Variants in MAP4K3 observed in about 807,000 individuals in gnomAD.
The protein encoded by MAP4K3 is MAPK/ERK kinase kinase kinase 3.
A neutral mutation model predicts 143.5 loss-of-function variants in MAP4K3; 94 were observed. The ratio of observed to expected loss-of-function variants is 0.65; its 90% CI spans 0.55 to 0.78. The LOEUF (loss-of-function observed/expected upper bound fraction) is 0.78, where lower values mean the gene tolerates loss of function less well. Among genes scored for constraint, MAP4K3 ranks in the 30% least tolerant of loss-of-function variants. MAP4K3 has a pLI of 0.00. For missense variants in MAP4K3, 1,077 were observed against 1,068.1 expected (o/e 1.01, Z -0.12); for synonymous variants, 416 against 347.2 (o/e 1.20, Z -2.20).
At chr2:39,396,806 A>T (rs1447424607) in intron 1 of MAP4K3, among the ~76,000 whole-genome samples, 1 of 152,206 alleles carries the variant, frequency 6.6e-6, no homozygotes, top group East Asian at 1.9e-4. Flanking sequence ...TTTTCATAAA[A>T]CCATTTTAGC....
chr2:39,365,430 ATTTTTTTTTTT>A (rs151026787), intron 2 of MAP4K3, among the ~76,000 whole-genome samples: 2 of 87,912 alleles, frequency 2.3e-5, no homozygotes, highest in East Asian at 3.2e-4. Context: ...CGCCATAGTA[ATTTTTTTTTTT>A]TTTTTTTTTT....
At chr2:39,384,214 T>C (rs1666428692) in intron 1 of MAP4K3, among the ~76,000 whole-genome samples, 1 of 152,082 alleles carries the variant, frequency 6.6e-6, no homozygotes. Context: ...TATCGACAAC[T>C]TGCTGATCCT....
At chr2:39,412,378 A>G (rs1390037146) in intron 1 of MAP4K3, among the ~76,000 whole-genome samples, 1 of 152,150 alleles carries the variant, frequency 6.6e-6, no homozygotes, top group Non-Finnish European at 1.5e-5. Flanking sequence ...CATCTATTAC[A>G]CTAGAAGCTG....
chr2:39,363,992 T>TAAAAAAAAAAAAAAAA (rs70957104), intron 2 of MAP4K3, among the ~76,000 whole-genome samples: 8 of 129,152 alleles, frequency 6.2e-5, no homozygotes, highest in Non-Finnish European at 6.3e-5. Flanking sequence ...ATAGCCATTA[T>TAAAAAAAAAAAAAAAA]AAAAAAAAAA....
At chr2:39,391,010 A>G (rs1195656598) in intron 1 of MAP4K3, among the ~76,000 whole-genome samples, 1 of 152,160 alleles carries the variant, frequency 6.6e-6, no homozygotes, top group African/African-American at 2.4e-5. Flanking sequence ...CTTCTGAAAC[A>G]TGTTAAATAT....
At chr2:39,254,635 A>G in intron 31 of MAP4K3, 115 bp from the exon 32 acceptor site, 1 of 692,322 alleles carries the variant, frequency 1.4e-6, no homozygotes, top group East Asian at 2.5e-5. Context: ...AATGTCAGCT[A>G]TTCCATATTT....
In MAP4K3 at chr2:39,298,152, G is replaced by T. The variant is rs975871891; in HGVS notation, c.1178+1591C>A. Among the ~76,000 whole-genome samples, 3 of 152,126 alleles carry T rather than the reference G, an allele frequency of 2.0e-5. No homozygotes were observed. In the South Asian group the frequency reaches 6.2e-4, roughly 32 times the overall value. On this transcript the variant is annotated intron_variant, in intron 16 of 33. Transcript: ENST00000263881. ...CTTAAAATTAGGGACTTCATATTTA[G>T]AGAAAATAACATAAAAACACTTCAA...
At chr2:39,402,713 C>T (rs1666981935) in intron 1 of MAP4K3, among the ~76,000 whole-genome samples, 1 of 151,122 alleles carries the variant, frequency 6.6e-6, no homozygotes, top group South Asian at 2.1e-4. Flanking sequence ...AAAATTGGGT[C>T]TTTGAGAAAA....
At chr2:39,410,641 T>C (rs1667210182) in intron 1 of MAP4K3, among the ~76,000 whole-genome samples, 1 of 152,194 alleles carries the variant, frequency 6.6e-6, no homozygotes, top group Non-Finnish European at 1.5e-5. Flanking sequence ...GAAAATAATA[T>C]TTAAAAGATC....
intron 19 of MAP4K3, among the ~76,000 whole-genome samples, chr2:39,288,727 C>CA: frequency 1.3e-5 from 2 of 152,260 alleles, no homozygotes; most frequent in East Asian, 3.9e-4. Context: ...CTTAATCTTT[C>CA]AGACCAGGGG....
At chr2:39,287,578 C>T (rs148936858) in intron 20 of MAP4K3, among the ~76,000 whole-genome samples, 4,828 of 152,208 alleles carry the variant, frequency 0.032, 96 homozygotes, top group African/African-American at 0.047. Context: ...GCTGGGATTA[C>T]AGGTGTGAGC....
Position 39,250,539 on chromosome 2 carries a change from G to T in MAP4K3, c.*79C>A. ...CTGAAGACAGGTTACTGCAGCTTTT[G>T]TACAGCTTCAAGCATCCATTAATGT... is the stretch of plus-strand genomic sequence containing the variant. On this transcript the variant is annotated 3_prime_UTR_variant, in exon 34 of 34. Transcript: ENST00000263881. 1.5e-6 allele frequency: 2 copies of T among 1,331,516 alleles called. No individual in the cohort carries two copies. The highest frequency in any genetic ancestry group is 2.3e-5 in the East Asian group (1 of 42,648). The allele number at this position is 1,331,516 out of a possible 1,614,324, so 82.5% of individuals were successfully genotyped here.
intron 12 of MAP4K3, among the ~76,000 whole-genome samples, chr2:39,318,306 T>A (rs1323290046): frequency 6.6e-6 from 1 of 152,062 alleles, no homozygotes; most frequent in African/African-American, 2.4e-5. Flanking sequence ...ATGACCTGGG[T>A]GACAAAAGAA....
chr2:39,330,640 A>G (rs1412227887), intron 8 of MAP4K3, among the ~76,000 whole-genome samples: 2 of 152,078 alleles, frequency 1.3e-5, no homozygotes, highest in Non-Finnish European at 2.9e-5. Context: ...TAGGAAAACA[A>G]AAACAAAAAC....
intron 21 of MAP4K3, among the ~76,000 whole-genome samples, chr2:39,286,436 G>C (rs1681780798): frequency 6.6e-6 from 1 of 152,134 alleles, no homozygotes; most frequent in Non-Finnish European, 1.5e-5. Flanking sequence ...ATTTGTCCTG[G>C]GGTAGAAGCT....
At chr2:39,344,519 T>A (rs1004704188) in intron 3 of MAP4K3, among the ~76,000 whole-genome samples, 3 of 152,254 alleles carry the variant, frequency 2.0e-5, no homozygotes, top group Admixed American at 6.5e-5. Context: ...CTATACTGTA[T>A]GGCTGCTTTC....
At chr2:39,373,854 T>C (rs1666147893) in intron 2 of MAP4K3, among the ~76,000 whole-genome samples, 1 of 151,934 alleles carries the variant, frequency 6.6e-6, no homozygotes, top group African/African-American at 2.4e-5. Context: ...TACAAAAAAT[T>C]AGAAAGAATG....
intron 24 of MAP4K3, 99 bp from the exon 25 acceptor site, chr2:39,272,641 T>G (rs891918699): frequency 1.3e-5 from 11 of 875,588 alleles, no homozygotes; most frequent in Middle Eastern, 3.2e-4. Context: ...TACAGGTCAG[T>G]TCTTTAAAAG....
At chr2:39,396,391 A>G (rs964923305) in intron 1 of MAP4K3, among the ~76,000 whole-genome samples, 3 of 152,110 alleles carry the variant, frequency 2.0e-5, no homozygotes, top group Non-Finnish European at 4.4e-5. Context: ...CTTAGGTAAA[A>G]TAAGATAAAA....
Sources: allele counts gnomAD v4.1 joint callset (sites outside exome capture counted in the v4.1 genomes callset), GRCh38; gene constraint gnomAD v4.1.1; transcripts MANE v1.5; gene names NCBI Gene and HGNC (gene_info 2026-07-23, HGNC 2026-07-21).